Variants in RANBP2 observed in about 807,000 individuals in gnomAD.
RANBP2 encodes RAN binding protein 2.
RANBP2 carries 57 observed loss-of-function variants against 303.6 expected under a neutral mutation model. The ratio of observed to expected loss-of-function variants is 0.19; its 90% CI spans 0.15 to 0.23. The LOEUF is 0.23. Ranked by LOEUF, RANBP2 falls within the 10% of genes least tolerant of loss-of-function variation. The probability of loss-of-function intolerance (pLI) is 1.00; values close to 1 mark genes in which losing one functional copy is unlikely to be tolerated. For synonymous variants in RANBP2, 1,167 were observed against 1,301.5 expected (o/e 0.90, Z 2.23); for missense variants, 3,138 against 3,780.8 (o/e 0.83, Z 4.46).
At chr2:109,368,573 C>T in the RANBP2 span, among the ~76,000 whole-genome samples, 1 of 151,748 alleles carries the variant, frequency 6.6e-6, no homozygotes, top group Non-Finnish European at 1.5e-5. Context: ...TATTCACTTG[C>T]TTCTAATTTT....
chr2:109,252,616 A>G, the RANBP2 span, among the ~76,000 whole-genome samples: 2 of 152,234 alleles, frequency 1.3e-5, no homozygotes, highest in African/African-American at 2.4e-5. Context: ...AAACCCATCA[A>G]TAGTTGGAAG....
the RANBP2 span, among the ~76,000 whole-genome samples, chr2:109,236,940 A>G: frequency 1.3e-5 from 2 of 152,206 alleles, no homozygotes; most frequent in African/African-American, 4.8e-5. Context: ...GGCAGTCCCC[A>G]GAGAAATTTC....
the RANBP2 span, among the ~76,000 whole-genome samples, chr2:108,953,012 T>G: frequency 6.6e-6 from 1 of 152,236 alleles, no homozygotes; most frequent in Non-Finnish European, 1.5e-5. Context: ...TTTGTGTGTA[T>G]GTAGTAGGTG....
At chr2:109,175,096 G>T in the RANBP2 span, among the ~76,000 whole-genome samples, 180 of 152,098 alleles carry the variant, frequency 1.2e-3, no homozygotes, top group African/African-American at 4.1e-3. Flanking sequence ...GCTAAGAAGT[G>T]CATTCATGCC....
chr2:109,049,186 G>A, the RANBP2 span, among the ~76,000 whole-genome samples: 45 of 152,320 alleles, frequency 3.0e-4, no homozygotes, highest in African/African-American at 1.0e-3. Context: ...TCCTGGAGTT[G>A]TTGGAACAGG....
At chr2:108,786,903 C>G (rs1395510972), downstream of RANBP2, 5 of 1,546,242 alleles carry the variant, frequency 3.2e-6, no homozygotes, top group Admixed American at 2.0e-5. Flanking sequence ...TCGGGGGCAG[C>G]TGCCCCGACG....
At chr2:109,025,714 C>T in the RANBP2 span, among the ~76,000 whole-genome samples, 3 of 150,672 alleles carry the variant, frequency 2.0e-5, no homozygotes, top group African/African-American at 7.3e-5. Flanking sequence ...AGGAGAATGG[C>T]GTGAACCCGG....
At chr2:109,205,201 C>T in the RANBP2 span, among the ~76,000 whole-genome samples, 6 of 151,214 alleles carry the variant, frequency 4.0e-5, no homozygotes, top group Non-Finnish European at 7.4e-5. Flanking sequence ...AGTGAAACTC[C>T]GTCTCTAAAA....
the RANBP2 span, among the ~76,000 whole-genome samples, chr2:109,252,283 A>T: frequency 6.6e-6 from 1 of 152,126 alleles, no homozygotes; most frequent in East Asian, 1.9e-4. Flanking sequence ...CAACATTATA[A>T]TTTAAAAAGA....
At chr2:108,731,681 C>T (rs924963826) in intron 4 of RANBP2, 1 of 985,634 alleles carries the variant, frequency 1.0e-6, no homozygotes, top group African/African-American at 1.7e-5. Context: ...TCTCATTTAC[C>T]TTTCTGGAAT....
the RANBP2 span, among the ~76,000 whole-genome samples, chr2:108,877,866 C>G: frequency 4.6e-5 from 7 of 152,156 alleles, no homozygotes; most frequent in African/African-American, 1.7e-4. Context: ...AGGATAAAAG[C>G]ACAAACAAAA....
At chr2:108,761,612 G>T (rs826545) in intron 18 of RANBP2, among the ~76,000 whole-genome samples, 24,493 of 151,748 alleles carry the variant, frequency 0.16, 2,079 homozygotes, top group South Asian at 0.19. Context: ...ATGACATCCT[G>T]TCCATGAATT....
the RANBP2 span, among the ~76,000 whole-genome samples, chr2:109,008,528 G>T: frequency 6.6e-6 from 1 of 151,364 alleles, no homozygotes; most frequent in African/African-American, 2.4e-5. Context: ...CTTGGTACAT[G>T]CCCTGTCTCC....
chr2:109,407,062 G>T, the RANBP2 span, among the ~76,000 whole-genome samples: 1 of 152,192 alleles, frequency 6.6e-6, no homozygotes, highest in Non-Finnish European at 1.5e-5. Flanking sequence ...CTGTGTGCAA[G>T]CATATACCCA....
the RANBP2 span, among the ~76,000 whole-genome samples, chr2:109,629,550 C>A: frequency 2.5e-4 from 38 of 151,772 alleles, no homozygotes; most frequent in African/African-American, 8.2e-4. Flanking sequence ...CAATGGCTCA[C>A]ACCTGTAATC....
the RANBP2 span, among the ~76,000 whole-genome samples, chr2:109,103,436 C>T: frequency 1.1e-4 from 17 of 152,092 alleles, no homozygotes; most frequent in Admixed American, 3.3e-4. Context: ...TCAATCAATC[C>T]GTGTGAGGTA....
intron 19 of RANBP2, 77 bp from the exon 20 acceptor site, chr2:108,763,160 T>C (rs1676856666): frequency 6.8e-7 from 1 of 1,465,142 alleles, no homozygotes; most frequent in Non-Finnish European, 9.5e-7. Context: ...GTTTGAAGTT[T>C]GTGAGAATTG....
the RANBP2 span, among the ~76,000 whole-genome samples, chr2:109,557,165 TATA>T: frequency 6.6e-6 from 1 of 151,842 alleles, no homozygotes; most frequent in South Asian, 2.1e-4. Flanking sequence ...GAACTTAAAG[TATA>T]ATAAAAAAAA....
chr2:108,887,391 C>T, the RANBP2 span, among the ~76,000 whole-genome samples: 2 of 151,976 alleles, frequency 1.3e-5, no homozygotes, highest in Non-Finnish European at 2.9e-5. Flanking sequence ...TTTAGGATTG[C>T]TTTTTTGATT....
Sources: allele counts gnomAD v4.1 joint callset (sites outside exome capture counted in the v4.1 genomes callset), GRCh38; gene constraint gnomAD v4.1.1; transcripts MANE v1.5; gene names NCBI Gene and HGNC (gene_info 2026-07-23, HGNC 2026-07-21).